Variants in SESN3 observed in about 807,000 individuals in gnomAD.
SESN3 encodes the protein sestrin-3.
A neutral mutation model predicts 55.3 loss-of-function variants in SESN3; 21 were observed. The observed-to-expected ratio is 0.38, with a 90% CI of 0.27 to 0.55. The LOEUF (loss-of-function observed/expected upper bound fraction) is 0.55. SESN3 is among the 20% of genes least tolerant of loss of function. SESN3 has a pLI of 0.76. For synonymous variants in SESN3, 181 were observed against 203.1 expected (o/e 0.89, Z 0.93); for missense variants, 408 against 604.3 (o/e 0.68, Z 3.41).
At chr11:95,183,481 A>T (rs926413451) in intron 6 of SESN3, among the ~76,000 whole-genome samples, 2 of 152,084 alleles carry the variant, frequency 1.3e-5, no homozygotes, top group African/African-American at 4.8e-5. Context: ...TATGAGATTG[A>T]TGAGTTTTAA....
intron 8 of SESN3, among the ~76,000 whole-genome samples, chr11:95,176,884 T>A (rs1347715528): frequency 6.6e-6 from 1 of 152,178 alleles, no homozygotes; most frequent in African/African-American, 2.4e-5. Flanking sequence ...GACAAATAGC[T>A]CAGTTATTAC....
In SESN3 at chr11:95,166,066, A is replaced by G. The variant is rs1038703211; in HGVS notation, c.*7189T>C. 1.3e-5 allele frequency: 2 copies of G among 152,214 alleles called. No individual in the cohort carries two copies. The highest frequency in any genetic ancestry group is 2.4e-5 in the African/African-American group (1 of 41,468). The allele number at this position is 152,214 out of a possible 1,614,324, so 9.4% of individuals were successfully genotyped here. A position where few individuals can be genotyped will look rare whatever the true frequency, so the allele number is the denominator to read the frequency against. On this transcript the variant is annotated 3_prime_UTR_variant, in exon 10 of 10. Transcript: ENST00000536441. The stretch of plus-strand genomic sequence containing the variant: ...CAGAACAAGTTTAAAGTGGCTGTTT[A>G]TTAAGTTTGCTATTTTCAGAATTGA...
At chr11:95,225,243 A>C (rs1370159400) in intron 1 of SESN3, among the ~76,000 whole-genome samples, 1 of 152,180 alleles carries the variant, frequency 6.6e-6, no homozygotes, top group Non-Finnish European at 1.5e-5. Context: ...TTATGAACAC[A>C]GTTTTGACCT....
At chr11:95,217,461 G>A (rs528787326) in intron 1 of SESN3, among the ~76,000 whole-genome samples, 9 of 152,140 alleles carry the variant, frequency 5.9e-5, no homozygotes, top group African/African-American at 1.4e-4. Flanking sequence ...GACCAGCCTC[G>A]CCAACATGGT....
chr11:95,207,495 A>G lies in SESN3; in HGVS notation c.79-13973T>C, dbSNP rs1020316840. 1.4e-4 allele frequency among the ~76,000 whole-genome samples: 21 copies of G among 151,732 alleles called. 1 individual carries two copies. Among genetic ancestry groups the G allele is most frequent in the Non-Finnish European group, 2.9e-4 (20 of 67,838 alleles). On this transcript the variant is annotated intron_variant, in intron 1 of 9. Transcript: ENST00000536441. ...GAGACATTCCGTGGGGCCTTTTTGCATTAACATTCTATGGTTATACAGAAT... is the reference window on the plus strand; with the variant it reads ...GAGACATTCCGTGGGGCCTTTTTGCGTTAACATTCTATGGTTATACAGAAT...
intron 1 of SESN3, among the ~76,000 whole-genome samples, chr11:95,223,626 C>T (rs969216558): frequency 6.6e-6 from 1 of 151,968 alleles, no homozygotes; most frequent in African/African-American, 2.4e-5. Context: ...AGGTGGTAGA[C>T]AGCATCTGCA....
rs558137498 is a variant in SESN3, at chr11:95,208,511, T to A, written c.79-14989A>T. 1.0e-3 allele frequency among the ~76,000 whole-genome samples: 159 copies of A among 151,462 alleles called. 4 individuals carry two copies. Among genetic ancestry groups the A allele is most frequent in the African/African-American group, 3.5e-3 (145 of 41,350 alleles). On this transcript the variant is annotated intron_variant, in intron 1 of 9. Coordinates refer to ENST00000536441, the MANE Select transcript of SESN3 (RefSeq NM_144665.4). ...CAGAGCATATGGGTTGGCTGGTAGGTAGTAATTCCTCACTTAAATGGCTAC... is the reference window on the plus strand; with the variant it reads ...CAGAGCATATGGGTTGGCTGGTAGGAAGTAATTCCTCACTTAAATGGCTAC...
At chr11:95,178,479 T>C (rs369603572) in intron 7 of SESN3, among the ~76,000 whole-genome samples, 7 of 152,132 alleles carry the variant, frequency 4.6e-5, no homozygotes, top group South Asian at 4.1e-4. Flanking sequence ...CACGTAATAA[T>C]AGAAGTAAGT....
chr11:95,169,538 A>G lies in SESN3; in HGVS notation c.*3717T>C, dbSNP rs1438121827. On this transcript the variant is annotated 3_prime_UTR_variant, in exon 10 of 10. Coordinates refer to ENST00000536441, the MANE Select transcript of SESN3 (RefSeq NM_144665.4). Reference sequence around the variant, plus strand: ...TTGCTTTCCAGAGAAATGATTTAGAATTGTCTTTAAAATACAACCTAAAAC... The same window carrying G: ...TTGCTTTCCAGAGAAATGATTTAGAGTTGTCTTTAAAATACAACCTAAAAC... 6.6e-6 allele frequency: 1 copy of G among 152,228 alleles called. No individual in the cohort carries two copies. The highest frequency in any genetic ancestry group is 1.5e-5 in the Non-Finnish European group (1 of 68,034). The allele number at this position is 152,228 out of a possible 1,614,324, so 9.4% of individuals were successfully genotyped here.
At chr11:95,218,202 GAAC>G (rs1334814668) in intron 1 of SESN3, among the ~76,000 whole-genome samples, 1 of 152,180 alleles carries the variant, frequency 6.6e-6, no homozygotes, top group East Asian at 1.9e-4. Flanking sequence ...TACTATAGAA[GAAC>G]TACTGTGCTT....
chr11:95,204,148 A>G (rs938563891), intron 1 of SESN3: 5 of 152,296 alleles, frequency 3.3e-5, no homozygotes, highest in African/African-American at 1.2e-4. Context: ...TAATAGCAAC[A>G]CAGGATTGAT....
At chr11:95,224,456 T>C (rs1340749558) in intron 1 of SESN3, 1 of 442,196 alleles carries the variant, frequency 2.3e-6, no homozygotes, top group Non-Finnish European at 4.5e-6. Context: ...GATTACCTTG[T>C]CCATTATGCT....
chr11:95,219,481 T>C (rs1860820377), intron 1 of SESN3, among the ~76,000 whole-genome samples: 1 of 152,178 alleles, frequency 6.6e-6, no homozygotes, highest in Admixed American at 6.5e-5. Context: ...TTCATCTGTG[T>C]TACCTTAAAG....
intron 1 of SESN3, among the ~76,000 whole-genome samples, chr11:95,206,506 A>G (rs1358515684): frequency 6.6e-6 from 1 of 152,128 alleles, no homozygotes; most frequent in East Asian, 1.9e-4. Context: ...AGAAAGAAAA[A>G]GCTATAATTA....
rs1859844888 is a variant in SESN3 at position 95,171,303 on chromosome 11, A to C, written c.*1952T>G. On this transcript the variant is annotated 3_prime_UTR_variant, in exon 10 of 10. Coordinates refer to ENST00000536441, the MANE Select transcript of SESN3 (RefSeq NM_144665.4). ...AAAGTTAACATATGGCATATGCAAT[A>C]AAACAGACGAGATATGGCACAAGTT... 1 of 152,210 alleles carries C rather than the reference A, an allele frequency of 6.6e-6. No homozygotes were observed. Among genetic ancestry groups the C allele is most frequent in the Non-Finnish European group, 1.5e-5 (1 of 68,016 alleles). The allele number at this position is 152,210 out of a possible 1,614,324, so 9.4% of individuals were successfully genotyped here. A position where few individuals can be genotyped will look rare whatever the true frequency, so the allele number is the denominator to read the frequency against.
chr11:95,184,011 T>G (rs977986322), intron 6 of SESN3: 62 of 207,124 alleles, frequency 3.0e-4, no homozygotes, highest in African/African-American at 1.2e-3. Flanking sequence ...AAAGCAGCAG[T>G]GTGAGAATAA....
chr11:95,184,077 A>C, intron 6 of SESN3: 1 of 327,006 alleles, frequency 3.1e-6, no homozygotes, highest in East Asian at 4.8e-5. Flanking sequence ...AATTTTATCT[A>C]TTGAAACAAT....
chr11:95,202,675 G>C (rs1860480226), intron 1 of SESN3, among the ~76,000 whole-genome samples: 1 of 152,018 alleles, frequency 6.6e-6, no homozygotes, highest in African/African-American at 2.4e-5. Flanking sequence ...TTGAGCTATA[G>C]CACAAGAAAA....
Position 95,172,951 on chromosome 11 carries a change from C to T in SESN3, c.*304G>A, listed in dbSNP as rs770549781. ...TACACATACACACAACCCAAAGGCG[C>T]TGAAGTTAAGCATTAATACGCCAGA... is the stretch of plus-strand genomic sequence containing the variant. On this transcript the variant is annotated 3_prime_UTR_variant, in exon 10 of 10. Coordinates refer to ENST00000536441, the MANE Select transcript of SESN3 (RefSeq NM_144665.4). 3.3e-5 allele frequency: 9 copies of T among 272,380 alleles called. No individual in the cohort carries two copies. The highest frequency in any genetic ancestry group is 6.2e-5 in the Non-Finnish European group (9 of 144,210). The allele number at this position is 272,380 out of a possible 1,614,324, so 16.9% of individuals were successfully genotyped here. A position where few individuals can be genotyped will look rare whatever the true frequency, so the allele number is the denominator to read the frequency against.
Sources: gnomAD v4.1 joint callset for allele counts (sites outside exome capture counted in the v4.1 genomes callset) on GRCh38, gnomAD v4.1.1 for gene constraint, MANE v1.5 for transcripts, NCBI Gene and HGNC (gene_info 2026-07-23, HGNC 2026-07-21) for gene names.